Variants in ADH1C observed in about 807,000 individuals in gnomAD.
ADH1C encodes alcohol dehydrogenase 1C (class I), gamma polypeptide, also known as alcohol dehydrogenase 1C.
A neutral mutation model predicts 35.0 loss-of-function variants in ADH1C; 26 were observed. That is an observed-to-expected ratio of 0.74 (90% confidence interval 0.54 to 1.03). The LOEUF is 1.03. Among genes scored for constraint, ADH1C ranks in the 50% least tolerant of loss-of-function variants. The pLI is 0.00. For missense variants in ADH1C, 413 were observed against 465.4 expected (o/e 0.89, Z 1.04); for synonymous variants, 170 against 169.3 (o/e 1.00, Z -0.03).
At chr4:99,348,283 C>A (rs748008434) in intron 1 of ADH1C, among the ~76,000 whole-genome samples, 5 of 123,598 alleles carry the variant, frequency 4.0e-5, no homozygotes, top group African/African-American at 1.5e-4. Flanking sequence ...CCCCTCCCCC[C>A]ACCCCACAAT....
chr4:99,343,089 T>C (rs1734455320), intron 5 of ADH1C, 34 bp from the exon 6 acceptor site: 1 of 1,603,534 alleles, frequency 6.2e-7, no homozygotes, highest in Non-Finnish European at 8.5e-7. Flanking sequence ...ATGAATTAAA[T>C]AATGTTTGTT....
At chr4:99,352,166 T>C (rs1481941445) in intron 1 of ADH1C, among the ~76,000 whole-genome samples, 2 of 152,192 alleles carry the variant, frequency 1.3e-5, no homozygotes, top group African/African-American at 2.4e-5. Flanking sequence ...AGATTAAAAG[T>C]ATATTTCAAA....
Position 99,345,086 on chromosome 4 carries a change from G to A in ADH1C, c.348-5C>T, listed in dbSNP as rs75760332. On this transcript the variant is annotated splice_region_variant and splice_polypyrimidine_tract_variant and intron_variant, in intron 4 of 8. Coordinates refer to ENST00000515683, the MANE Select transcript of ADH1C (RefSeq NM_000669.5). ...GTCCCCCGAGGATTGCCTAGACTGG[G>A]CAGTGCAATACAAAGACACACAAAG... 6.2e-7 allele frequency: 1 copy of A among 1,614,144 alleles called. No homozygotes were observed. Among genetic ancestry groups the A allele is most frequent in the Non-Finnish European group, 8.5e-7 (1 of 1,180,018 alleles).
At chr4:99,347,995 G>C in intron 1 of ADH1C, 149 bp from the exon 2 acceptor site, 1 of 791,658 alleles carries the variant, frequency 1.3e-6, no homozygotes, top group Non-Finnish European at 1.9e-6. Flanking sequence ...GGTTTATAAA[G>C]AGAATAAGAG....
chr4:99,349,500 A>C (rs1274616565), intron 1 of ADH1C, among the ~76,000 whole-genome samples: 2 of 152,190 alleles, frequency 1.3e-5, no homozygotes, highest in African/African-American at 4.8e-5. Flanking sequence ...TTGCTGACAG[A>C]GTCAGTGTCT....
At chr4:99,348,572 T>C (rs1253487379) in intron 1 of ADH1C, among the ~76,000 whole-genome samples, 1 of 150,806 alleles carries the variant, frequency 6.6e-6, no homozygotes, top group Non-Finnish European at 1.5e-5. Flanking sequence ...TTGTGAATAA[T>C]GCGGCAATAA....
At chr4:99,345,737 A>T (rs1734516818) in intron 3 of ADH1C, among the ~76,000 whole-genome samples, 1 of 152,240 alleles carries the variant, frequency 6.6e-6, no homozygotes, top group Admixed American at 6.5e-5. Flanking sequence ...GATTTTTAAC[A>T]TAGGTCTTGG....
At chr4:99,337,560 A>T (rs1789900) in intron 8 of ADH1C, among the ~76,000 whole-genome samples, 47,468 of 151,992 alleles carry the variant, frequency 0.31, 8,853 homozygotes, top group Non-Finnish European at 0.41. Context: ...TAAGAAAAGA[A>T]GATATTTGCG....
rs549453609 is a variant in ADH1C at position 99,336,739 on chromosome 4, C to T, written c.*13G>A. The T allele has an allele frequency of 1.9e-6, 3 of 1,613,536 alleles. No homozygotes were observed. The highest frequency in any genetic ancestry group is 2.2e-5 in the South Asian group (2 of 91,074). On this transcript the variant is annotated 3_prime_UTR_variant, in exon 9 of 9. Coordinates refer to ENST00000515683, the MANE Select transcript of ADH1C (RefSeq NM_000669.5). ...GGCTGAAAACTGCTACAAGGGAAGG[C>T]ATCTGTATTGTTTCAAAACGTCAGG...
chr4:99,346,676 G>T lies in ADH1C; in HGVS notation c.259+330C>A, dbSNP rs1012100330. The stretch of plus-strand genomic sequence containing the variant: ...GGGCACTTACAGAAGACAGTGTTCA[G>T]CTAACACTAACGTGGAAGTTACTAG... On this transcript the variant is annotated intron_variant, in intron 3 of 8. Transcript: ENST00000515683. Among the ~76,000 whole-genome samples, 3 of 152,050 alleles carry T rather than the reference G, an allele frequency of 2.0e-5. No individual in the cohort carries two copies. The South Asian group carries it at 6.2e-4, about 32-fold the overall frequency.
intron 3 of ADH1C, among the ~76,000 whole-genome samples, chr4:99,346,265 C>T (rs1442634896): frequency 6.6e-6 from 1 of 151,794 alleles, no homozygotes; most frequent in Non-Finnish European, 1.5e-5. Flanking sequence ...ATGGAAATGT[C>T]CTAGTTATTC....
chr4:99,341,957 A>T (rs1734424479), intron 6 of ADH1C, among the ~76,000 whole-genome samples: 1 of 151,632 alleles, frequency 6.6e-6, no homozygotes, highest in African/African-American at 2.4e-5. Flanking sequence ...GGCTGCAGTG[A>T]GCCATAATCA....
At chr4:99,350,422 C>G (rs1292268997) in intron 1 of ADH1C, among the ~76,000 whole-genome samples, 2 of 152,148 alleles carry the variant, frequency 1.3e-5, no homozygotes, top group African/African-American at 4.8e-5. Flanking sequence ...TAACCAAAGT[C>G]CTCTATATCA....
At chr4:99,342,368 G>C (rs984282025) in intron 6 of ADH1C, among the ~76,000 whole-genome samples, 20 of 152,072 alleles carry the variant, frequency 1.3e-4, no homozygotes, top group Non-Finnish European at 1.8e-4. Flanking sequence ...TCTTTTGACC[G>C]AAGAATACTA....
chr4:99,339,122 G>A (rs899151315), intron 8 of ADH1C, among the ~76,000 whole-genome samples: 9 of 152,080 alleles, frequency 5.9e-5, no homozygotes, highest in African/African-American at 9.7e-5. Flanking sequence ...CAATCTCAAT[G>A]TAGTTCCACC....
At chr4:99,340,416 A>G (rs1734385790) in intron 7 of ADH1C, among the ~76,000 whole-genome samples, 159 bp downstream of exon 7, 1 of 134,856 alleles carries the variant, frequency 7.4e-6, no homozygotes, top group Non-Finnish European at 1.8e-5. Flanking sequence ...TTCATCTCCA[A>G]AAAATAAAAA....
intron 1 of ADH1C, among the ~76,000 whole-genome samples, chr4:99,351,379 G>A (rs970739838): frequency 6.6e-6 from 1 of 152,066 alleles, no homozygotes; most frequent in South Asian, 2.1e-4. Flanking sequence ...AATGCAGGAC[G>A]GGTAAACATA....
At chr4:99,344,163 T>C (rs1579531052) in intron 5 of ADH1C, among the ~76,000 whole-genome samples, 1 of 152,240 alleles carries the variant, frequency 6.6e-6, no homozygotes, top group Non-Finnish European at 1.5e-5. Context: ...TATCTTTATA[T>C]CTCTCGATCT....
intron 5 of ADH1C, among the ~76,000 whole-genome samples, chr4:99,343,975 C>T (rs1734470446): frequency 6.6e-6 from 1 of 152,112 alleles, no homozygotes; most frequent in South Asian, 2.1e-4. Flanking sequence ...AAGTGTTATT[C>T]AATACTATGG....
Sources: gnomAD v4.1 joint callset for allele counts (sites outside exome capture counted in the v4.1 genomes callset) on GRCh38, gnomAD v4.1.1 for gene constraint, MANE v1.5 for transcripts, NCBI Gene and HGNC (gene_info 2026-07-23, HGNC 2026-07-21) for gene names.